Variants in TENM2 observed in about 807,000 individuals in gnomAD.
The protein encoded by TENM2 is teneurin transmembrane protein 2.
TENM2 carries 52 observed loss-of-function variants against 245.2 expected under a neutral mutation model. That is an observed-to-expected ratio of 0.21 (90% CI 0.17 to 0.27). The LOEUF is 0.27. TENM2 is among the 10% of genes least tolerant of loss of function. The pLI is 1.00. For missense variants in TENM2, 3,046 were observed against 3,666.8 expected, an observed-to-expected ratio of 0.83 and a Z score of 4.37; for synonymous variants, 1,363 against 1,438.9, an observed-to-expected ratio of 0.95 and a Z score of 1.19.
chr5:167,739,524 TA>T (rs1761029132), intron 2 of TENM2, among the ~76,000 whole-genome samples: 1 of 152,094 alleles, frequency 6.6e-6, no homozygotes, highest in South Asian at 2.1e-4. Flanking sequence ...AGCAACTCCC[TA>T]AATGGGAAAA....
chr5:167,486,190 A>G (rs1335371849), intron 2 of TENM2, among the ~76,000 whole-genome samples: 2 of 152,236 alleles, frequency 1.3e-5, no homozygotes, highest in African/African-American at 4.8e-5. Flanking sequence ...AAGCATACAT[A>G]GAACATCTGC....
At chr5:167,025,371 A>G in the TENM2 span, among the ~76,000 whole-genome samples, 59,498 of 152,068 alleles carry the variant, frequency 0.39, 12,987 homozygotes, top group Admixed American at 0.55. Flanking sequence ...TTTGGAGTGT[A>G]CAAAATTTAT....
chr5:167,562,193 C>A (rs187122012), intron 2 of TENM2, among the ~76,000 whole-genome samples: 10 of 152,284 alleles, frequency 6.6e-5, no homozygotes, highest in Admixed American at 4.6e-4. Context: ...CCGTCTCCTG[C>A]ATGCTTTGCT....
chr5:168,162,339 T>TG (rs1239764546), intron 12 of TENM2, among the ~76,000 whole-genome samples: 3 of 152,204 alleles, frequency 2.0e-5, no homozygotes, highest in African/African-American at 7.2e-5. Flanking sequence ...CTGGTTTAGT[T>TG]GTCTGGGATG....
chr5:167,258,865 A>G, the TENM2 span, among the ~76,000 whole-genome samples: 1 of 152,188 alleles, frequency 6.6e-6, no homozygotes, highest in African/African-American at 2.4e-5. Flanking sequence ...ACAGTTCACA[A>G]TGACAAAAAA....
intron 2 of TENM2, among the ~76,000 whole-genome samples, chr5:167,702,583 T>A (rs1758234596): frequency 1.4e-5 from 2 of 147,070 alleles, no homozygotes; most frequent in African/African-American, 5.1e-5. Context: ...CATATATATA[T>A]ATATTTCTTT....
intron 2 of TENM2, among the ~76,000 whole-genome samples, chr5:167,593,216 C>T (rs1775990794): frequency 6.6e-6 from 1 of 152,210 alleles, no homozygotes; most frequent in African/African-American, 2.4e-5. Flanking sequence ...TTGGCTCTCC[C>T]TTCACTTTAG....
At chr5:167,471,176 C>T (rs776524949) in intron 2 of TENM2, among the ~76,000 whole-genome samples, 4 of 152,164 alleles carry the variant, frequency 2.6e-5, no homozygotes, top group Non-Finnish European at 4.4e-5. Context: ...ATGACATGCC[C>T]TTGCTTCCCA....
chr5:167,976,252 G>A (rs1782437415), intron 4 of TENM2, among the ~76,000 whole-genome samples: 2 of 151,892 alleles, frequency 1.3e-5, no homozygotes, highest in African/African-American at 2.4e-5. Context: ...CTGGGCCTTA[G>A]GATACTGATC....
chr5:167,502,416 G>A (rs888136776), intron 2 of TENM2, among the ~76,000 whole-genome samples: 6 of 152,118 alleles, frequency 3.9e-5, no homozygotes, highest in Admixed American at 6.6e-5. Flanking sequence ...CAAGTAAAAT[G>A]CCACTTTTAG....
chr5:167,659,237 AAAGAT>A (rs1275629926), intron 2 of TENM2, among the ~76,000 whole-genome samples: 1 of 152,226 alleles, frequency 6.6e-6, no homozygotes, highest in Admixed American at 6.5e-5. Context: ...CCTGTGGAAC[AAAGAT>A]AAGATAAAGA....
In TENM2 at chr5:168,206,734, A is replaced by C. The variant is rs144071991; in HGVS notation, c.3824+2113A>C. On this transcript the variant is annotated intron_variant, in intron 19 of 28. Coordinates refer to ENST00000518659, the Ensembl canonical transcript of TENM2. The stretch of plus-strand genomic sequence containing the variant: ...AATCCTAGGAAAGCCTCCTTTTCTC[A>C]GGCACCCTGTGGGCAACAGAGAACC... 4.7e-3 allele frequency among the ~76,000 whole-genome samples: 708 copies of C among 152,242 alleles called. 7 individuals carry two copies. The highest frequency in any genetic ancestry group is 0.016 in the African/African-American group (669 of 41,552).
chr5:167,931,891 T>C (rs1468940476), intron 3 of TENM2, among the ~76,000 whole-genome samples: 1 of 152,240 alleles, frequency 6.6e-6, no homozygotes, highest in Non-Finnish European at 1.5e-5. Context: ...CTGCATCCCC[T>C]CACTTTCTTG....
At chr5:167,758,870 T>C (rs867735344) in intron 2 of TENM2, among the ~76,000 whole-genome samples, 15 of 152,092 alleles carry the variant, frequency 9.9e-5, no homozygotes, top group African/African-American at 3.6e-4. Context: ...AGGACCTTGA[T>C]TGATACAGAA....
intron 3 of TENM2, among the ~76,000 whole-genome samples, chr5:167,900,715 C>G (rs1283154582): frequency 1.3e-5 from 2 of 152,082 alleles, no homozygotes; most frequent in Non-Finnish European, 2.9e-5. Context: ...TAATAACCAC[C>G]TAGTTATGAC....
At chr5:167,929,730 C>T (rs555033835) in intron 3 of TENM2, among the ~76,000 whole-genome samples, 2 of 152,270 alleles carry the variant, frequency 1.3e-5, no homozygotes, top group South Asian at 2.1e-4. Context: ...AGATGTTCCT[C>T]AGTGATCTTA....
chr5:167,703,984 C>T (rs1758337073), intron 2 of TENM2, among the ~76,000 whole-genome samples: 1 of 152,106 alleles, frequency 6.6e-6, no homozygotes, highest in Non-Finnish European at 1.5e-5. Flanking sequence ...TAGAGAGGAA[C>T]AAGGAAGGAA....
chr5:167,268,885 G>GATAGATAGATAGATAGATAC, the TENM2 span, among the ~76,000 whole-genome samples: 3 of 142,230 alleles, frequency 2.1e-5, no homozygotes, highest in African/African-American at 7.6e-5. Flanking sequence ...TAGATAGATA[G>GATAGATAGATAGATAGATAC]ATAGATAGAT....
chr5:167,304,493 G>A (rs913302808), intron 1 of TENM2, among the ~76,000 whole-genome samples: 1 of 152,128 alleles, frequency 6.6e-6, no homozygotes, highest in African/African-American at 2.4e-5. Context: ...CTATCTATAG[G>A]GCAGATGTGT....
Sources: allele counts gnomAD v4.1 joint callset (sites outside exome capture counted in the v4.1 genomes callset), GRCh38; gene constraint gnomAD v4.1.1; transcripts MANE v1.5; gene names NCBI Gene and HGNC (gene_info 2026-07-23, HGNC 2026-07-21).